Variants in NR2F1-AS1 observed in about 807,000 individuals in gnomAD.
NR2F1-AS1 encodes NR2F1 regulatory antisense RNA 1.
chr5:93,570,811 C>T (rs1580343748), intron 1 of NR2F1-AS1: 1 of 152,226 alleles, frequency 6.6e-6, no homozygotes, highest in Non-Finnish European at 1.5e-5. Context: ...CGGCAGCCAA[C>T]CCCGCGCGCA....
chr5:93,447,186 A>T (rs1749731346), intron 4 of NR2F1-AS1, among the ~76,000 whole-genome samples: 1 of 152,224 alleles, frequency 6.6e-6, no homozygotes. Flanking sequence ...TGGCAACAAA[A>T]GCCAAAATTG....
chr5:93,441,423 A>G lies in NR2F1-AS1; in HGVS notation n.639-45881T>C, dbSNP rs376511100. Reference sequence around the variant, plus strand: ...AGAAGAGAGACCTTCAAGTCAACTGATGTACCATGGCAGGTTTCAAGAATG... The same window carrying G: ...AGAAGAGAGACCTTCAAGTCAACTGGTGTACCATGGCAGGTTTCAAGAATG... On this transcript the variant is annotated intron_variant and non_coding_transcript_variant, in intron 4 of 5. Coordinates refer to ENST00000660523, the Ensembl canonical transcript of NR2F1-AS1. Among the ~76,000 whole-genome samples, 31 of 152,328 alleles carry G rather than the reference A, an allele frequency of 2.0e-4. No individual in the cohort carries two copies. The East Asian group carries it at 3.5e-3, about 17-fold the overall frequency.
intron 4 of NR2F1-AS1, among the ~76,000 whole-genome samples, chr5:93,512,963 C>G (rs1296398683): frequency 6.6e-6 from 1 of 152,156 alleles, no homozygotes; most frequent in Non-Finnish European, 1.5e-5. Flanking sequence ...CAACACATGA[C>G]TGTATATCCT....
chr5:93,476,578 G>A (rs1750489029), intron 4 of NR2F1-AS1, among the ~76,000 whole-genome samples: 1 of 152,122 alleles, frequency 6.6e-6, no homozygotes, highest in African/African-American at 2.4e-5. Flanking sequence ...AGGAAATTAA[G>A]AATATACTAA....
At chr5:93,541,800 G>C (rs944308051) in intron 4 of NR2F1-AS1, 1 of 151,592 alleles carries the variant, frequency 6.6e-6, no homozygotes, top group African/African-American at 2.4e-5. Context: ...AGCAGGGCAG[G>C]AATCAAATAA....
chr5:93,545,531 A>G (rs1271255660), intron 4 of NR2F1-AS1, among the ~76,000 whole-genome samples: 1 of 152,216 alleles, frequency 6.6e-6, no homozygotes, highest in Non-Finnish European at 1.5e-5. Flanking sequence ...GGCCAAATTC[A>G]TTTTACTCTA....
intron 4 of NR2F1-AS1, among the ~76,000 whole-genome samples, chr5:93,484,539 T>C (rs1484246861): frequency 6.6e-6 from 1 of 152,106 alleles, no homozygotes; most frequent in Non-Finnish European, 1.5e-5. Context: ...AGAAACTGCA[T>C]CAACTAACGA....
At chr5:93,486,870 C>G (rs940539341) in intron 4 of NR2F1-AS1, among the ~76,000 whole-genome samples, 1 of 152,192 alleles carries the variant, frequency 6.6e-6, no homozygotes, top group Non-Finnish European at 1.5e-5. Flanking sequence ...CAAACCGAAT[C>G]TAGCAGCACA....
chr5:93,577,317 A>G (rs1049342704), intron 1 of NR2F1-AS1, among the ~76,000 whole-genome samples: 1 of 152,264 alleles, frequency 6.6e-6, no homozygotes, highest in East Asian at 1.9e-4. Context: ...AAAGGTGACA[A>G]AGAAGAAATG....
intron 4 of NR2F1-AS1, among the ~76,000 whole-genome samples, chr5:93,470,828 T>C (rs895641447): frequency 6.6e-6 from 1 of 151,898 alleles, no homozygotes; most frequent in African/African-American, 2.4e-5. Flanking sequence ...AGTTTACTTT[T>C]ACCCTTAAGT....
chr5:93,479,767 AC>A (rs1189124406), intron 4 of NR2F1-AS1, among the ~76,000 whole-genome samples: 1 of 152,218 alleles, frequency 6.6e-6, no homozygotes, highest in Non-Finnish European at 1.5e-5. Context: ...ATTAAAGGAA[AC>A]CATGAGTAAA....
At chr5:93,451,373 G>A (rs1485919114) in intron 4 of NR2F1-AS1, among the ~76,000 whole-genome samples, 1 of 142,480 alleles carries the variant, frequency 7.0e-6, no homozygotes, top group Non-Finnish European at 1.5e-5. Flanking sequence ...TGAATTAAAA[G>A]TATAATACAC....
In NR2F1-AS1 at chr5:93,511,411, T is replaced by C. The variant is rs72786616; in HGVS notation, n.638+42350A>G. ...AATCACGTTACACCACCAGCTTTCC[T>C]AGGTCTCTAGCTTGCAAGGAGCAGA... On this transcript the variant is annotated intron_variant and non_coding_transcript_variant, in intron 4 of 5. Transcript: ENST00000660523. Among the ~76,000 whole-genome samples, 448 of 152,300 alleles carry C rather than the reference T, an allele frequency of 2.9e-3. 1 individual carries two copies. Among genetic ancestry groups the C allele is most frequent in the Non-Finnish European group, 4.2e-3 (283 of 68,016 alleles).
At chr5:93,585,175 C>A (rs1291439079), upstream of NR2F1-AS1, 1 of 1,262,014 alleles carries the variant, frequency 7.9e-7, no homozygotes, top group African/African-American at 1.6e-5. Context: ...GCGCCGCACA[C>A]GCCGCAGACC....
chr5:93,470,073 G>A (rs1580254069), intron 4 of NR2F1-AS1, among the ~76,000 whole-genome samples: 2 of 151,814 alleles, frequency 1.3e-5, no homozygotes, highest in South Asian at 4.1e-4. Context: ...AGCCACAAAA[G>A]GTAAATATTT....
In NR2F1-AS1 at chr5:93,487,330, T is replaced by C. The variant is rs745988613; in HGVS notation, n.638+66431A>G. Among the ~76,000 whole-genome samples, 24 of 152,322 alleles carry C rather than the reference T, an allele frequency of 1.6e-4. No individual in the cohort carries two copies. The East Asian group carries it at 3.3e-3, about 21-fold the overall frequency. ...TTGTCTCTGTTTGCAGATGACATGA[T>C]TGTATATTTAGAAAACCCCATTGTC... On this transcript the variant is annotated intron_variant and non_coding_transcript_variant, in intron 4 of 5. Coordinates refer to ENST00000660523, the Ensembl canonical transcript of NR2F1-AS1.
At chr5:93,569,825 C>G (rs753559394) in intron 1 of NR2F1-AS1, 1 of 152,168 alleles carries the variant, frequency 6.6e-6, no homozygotes, top group South Asian at 2.1e-4. Flanking sequence ...TTCATCTTTC[C>G]AATCAAATGA....
upstream of NR2F1-AS1, among the ~76,000 whole-genome samples, chr5:93,582,287 G>A (rs1163968987): frequency 3.6e-4 from 51 of 141,536 alleles, 1 homozygote; most frequent in Admixed American, 1.5e-3. Flanking sequence ...AAAAAAAAAA[G>A]AAGAAGGAAA....
chr5:93,485,399 T>A (rs1183887370), intron 4 of NR2F1-AS1, among the ~76,000 whole-genome samples: 1 of 152,148 alleles, frequency 6.6e-6, no homozygotes, highest in Non-Finnish European at 1.5e-5. Context: ...ATAATTAAGT[T>A]CTTTGAAACC....
Sources: gnomAD v4.1 joint callset for allele counts (sites outside exome capture counted in the v4.1 genomes callset) on GRCh38, gnomAD v4.1.1 for gene constraint, MANE v1.5 for transcripts, NCBI Gene and HGNC (gene_info 2026-07-23, HGNC 2026-07-21) for gene names.